KRT10: variants seen among roughly 807,000 people sequenced by gnomAD.
KRT10 encodes the protein keratin, type I cytoskeletal 10.
In KRT10, 40 loss-of-function variants were observed where a neutral mutation model predicts 59.2. The observed-to-expected ratio is 0.68, with a 90% CI of 0.52 to 0.88. The LOEUF is 0.88. Ranked by LOEUF, KRT10 falls within the 40% of genes least tolerant of loss-of-function variation. The probability of loss-of-function intolerance (pLI) is 0.00; values close to 1 mark genes in which losing one functional copy is unlikely to be tolerated. For synonymous variants in KRT10, 336 were observed against 310.7 expected, an observed-to-expected ratio of 1.08 and a Z score of -0.86; for missense variants, 719 against 749.1, an observed-to-expected ratio of 0.96 and a Z score of 0.47.
At chr17:40,821,434 T>G (rs887727678) in intron 1 of KRT10, among the ~76,000 whole-genome samples, 9 of 152,230 alleles carry the variant, frequency 5.9e-5, no homozygotes, top group Admixed American at 5.9e-4. Flanking sequence ...AGCCATGCTT[T>G]GGCTGACTCA....
chr17:40,821,256 G>T (rs564497284), intron 1 of KRT10, 139 bp from the exon 2 acceptor site: 8 of 686,900 alleles, frequency 1.2e-5, no homozygotes, highest in Middle Eastern at 2.4e-4. Flanking sequence ...ATGAAATATT[G>T]CAGGCTTACC....
chr17:40,819,075 T>A lies in KRT10; in HGVS notation c.1460A>T (p.His487Leu), dbSNP rs1463314669. The A allele has an allele frequency of 1.6e-6, 2 of 1,215,210 alleles. No individual in the cohort carries two copies. The highest frequency in any genetic ancestry group is 3.5e-5 in the African/African-American group (2 of 56,376). 75.3% of individuals were successfully genotyped at this position (1,215,210 alleles called of 1,614,324 possible). ...GGAACTGCCGCCGTGGCCGCCGCCG[T>A]GGCCGCCGCCGGAGCTTCCGCCGCC... ...SSGGGSSGGG[H>L]GGGHGGSSGG... Residue 487 changes from histidine to leucine, a missense_variant, in exon 7 of 8, where the codon CAC becomes CTC. His to Leu is a moderately conservative substitution (Grantham distance 99). This residue lies in a region of KRT10 where 315 missense variants were observed against 270.6 expected (regional missense o/e 1.16). Transcript: ENST00000269576.
At position 40,820,507 on chromosome 17, in the gene KRT10, T is replaced by C; in HGVS notation, c.867+4A>G. 6.2e-7 allele frequency: 1 copy of C among 1,614,222 alleles called. No homozygotes were observed. Among genetic ancestry groups the C allele is most frequent in the South Asian group, 1.1e-5 (1 of 91,092 alleles). ...GGCTGGGAAAAGTATAACTTTTGTG[T>C]CACCTCCTCGTGGTTCTTCTTCAGA... On this transcript the variant is annotated splice_donor_region_variant and intron_variant, in intron 3 of 7. Coordinates refer to ENST00000269576, the MANE Select transcript of KRT10 (RefSeq NM_000421.5).
chr17:40,819,852 G>C, intron 5 of KRT10, 118 bp from the exon 6 acceptor site: 1 of 1,131,050 alleles, frequency 8.8e-7, no homozygotes. Context: ...AGAATTTGTT[G>C]TATGTTTAAT....
rs1597821342 is a variant in KRT10 at position 40,821,180 on chromosome 17, A to G, written c.628-63T>C. On this transcript the variant is annotated intron_variant, in intron 1 of 7. Transcript: ENST00000269576. ...ATGCAGATATGGCTTTTGTAGTGAC[A>G]TAGATGCACTCTGCACTTTTATGTT... 1.2e-5 allele frequency: 14 copies of G among 1,146,100 alleles called. No individual in the cohort carries two copies. The South Asian group carries it at 1.5e-4, about 12-fold the overall frequency. 71.0% of individuals were successfully genotyped at this position (1,146,100 alleles called of 1,614,324 possible).
chr17:40,818,444 C>T lies in KRT10; in HGVS notation c.*32G>A. 6.2e-7 allele frequency: 1 copy of T among 1,613,482 alleles called. No homozygotes were observed. Among genetic ancestry groups the T allele is most frequent in the African/African-American group, 1.3e-5 (1 of 75,022 alleles). ...AGAACTCTACCGTCGGGCGCCACCT[C>T]TTCAATAATTGTCTTGATTACTCTG... On this transcript the variant is annotated 3_prime_UTR_variant, in exon 8 of 8. Transcript: ENST00000269576.
rs1905412178 is a variant in KRT10, at chr17:40,821,942, T to G, written c.627+17A>C. 1.2e-6 allele frequency: 2 copies of G among 1,613,618 alleles called. No homozygotes were observed. Among genetic ancestry groups the G allele is most frequent in the Non-Finnish European group, 8.5e-7 (1 of 1,179,474 alleles). ...ATGGACAAGATACTTAAAGCTGGAT[T>G]TAAAAATACCTCTTACCTGATTTTT... On this transcript the variant is annotated intron_variant, in intron 1 of 7. Coordinates refer to ENST00000269576, the MANE Select transcript of KRT10 (RefSeq NM_000421.5).
rs968531762 is a variant in KRT10 at position 40,821,073 on chromosome 17, G to T, written c.672C>A (p.Ile224=). 3.1e-6 allele frequency: 5 copies of T among 1,613,828 alleles called. No homozygotes were observed. Among genetic ancestry groups the T allele is most frequent in the Admixed American group, 1.7e-5 (1 of 59,998 alleles). The change falls in exon 2 of 8, where the codon ATC becomes ATA. Residue 224 remains isoleucine, a synonymous_variant. Coordinates refer to ENST00000269576, the MANE Select transcript of KRT10 (RefSeq NM_000421.5). ...CATCAGCTGCCAGCCTGGCATTGTCGATCTGAAGCAGGATGTTGGCATTAT... is the reference window on the plus strand; with the variant it reads ...CATCAGCTGCCAGCCTGGCATTGTCTATCTGAAGCAGGATGTTGGCATTAT... ...TTDNANILLQ[I]DNARLAADDF...
Position 40,820,525 on chromosome 17 carries a change from T to C in KRT10, c.853A>G (p.Lys285Glu). The C allele has an allele frequency of 6.2e-7, 1 of 1,614,234 alleles. No individual in the cohort carries two copies. Among genetic ancestry groups the C allele is most frequent in the Non-Finnish European group, 8.5e-7 (1 of 1,180,040 alleles). ...TTTTGTGTCACCTCCTCGTGGTTCT[T>C]CTTCAGATAGGCCAGCTCTTCAGTC... is the stretch of plus-strand genomic sequence containing the variant. The part of the protein sequence containing the change: ...SLTEELAYLK[K>E]NHEEEMKDLR... Residue 285 changes from lysine (K) to glutamate (E), a missense_variant, in exon 3 of 8, where the codon AAG becomes GAG. Around this residue, in one of 4 missense-constraint regions of KRT10, gnomAD observed 221 missense variants for 277.8 expected, o/e 0.80. Coordinates refer to ENST00000269576, the MANE Select transcript of KRT10 (RefSeq NM_000421.5).
At position 40,822,464 on chromosome 17, in the gene KRT10, C is replaced by A; in HGVS notation, c.122G>T (p.Gly41Val). Residue 41 changes from glycine to valine, a missense_variant, in exon 1 of 8, where the codon GGC (glycine) becomes GTC (valine). By Grantham distance (109) the Gly-to-Val change is moderately radical (BLOSUM62 -3). Around this residue, in one of 4 missense-constraint regions of KRT10, gnomAD observed 176 missense variants for 175.7 expected, o/e 1.00. Transcript: ENST00000269576. ...TGAGCTAAATCCTCCACCAAGGGAG[C>A]CTTTGCTGCTAGAAATTCTTAGGGA... ...VSSLRISSSK[G>V]SLGGGFSSGG... The A allele has an allele frequency of 2.5e-6, 4 of 1,613,978 alleles. No individual in the cohort carries two copies. The highest frequency in any genetic ancestry group is 3.4e-6 in the Non-Finnish European group (4 of 1,179,972).
At chr17:40,819,333 TAAG>T (rs762061831) in intron 6 of KRT10, 172 bp from the exon 7 acceptor site, 21 of 1,430,148 alleles carry the variant, frequency 1.5e-5, no homozygotes, top group Non-Finnish European at 2.0e-5. Context: ...ACAGAACTCT[TAAG>T]AATCATTTTG....
chr17:40,820,572 A>G lies in KRT10; in HGVS notation c.806T>C (p.Leu269Pro), dbSNP rs1422891409. Residue 269 changes from leucine (L) to proline (P), a missense_variant, in exon 3 of 8, where the codon CTG (leucine) becomes CCG (proline). This residue lies in a region of KRT10 where 221 missense variants were observed against 277.8 expected (regional missense o/e 0.80). Coordinates refer to ENST00000269576, the MANE Select transcript of KRT10 (RefSeq NM_000421.5). ...LDELTLTKAD[L>P]EMQIESLTEE... ...AGTCAGGCTCTCAATTTGCATCTCC[A>G]GGTCAGCCTTGGTCAGGGTCAGCTC... is the stretch of plus-strand genomic sequence containing the variant. 1 of 1,614,106 alleles carries G rather than the reference A, an allele frequency of 6.2e-7. No homozygotes were observed. The highest frequency in any genetic ancestry group is 2.2e-5 in the East Asian group (1 of 44,888).
chr17:40,819,334 A>C, intron 6 of KRT10, 173 bp from the exon 7 acceptor site: 2 of 1,432,424 alleles, frequency 1.4e-6, no homozygotes, highest in Non-Finnish European at 1.9e-6. Flanking sequence ...CAGAACTCTT[A>C]AGAATCATTT....
rs1380771849 is a variant in KRT10, at chr17:40,818,961, C to T, written c.1574G>A (p.Ser525Asn). Residue 525 changes from serine (S) to asparagine (N), a missense_variant, in exon 7 of 8, where the codon AGT becomes AAT. By Grantham distance (46) the Ser-to-Asn change is conservative (BLOSUM62 1). Coordinates refer to ENST00000269576, the MANE Select transcript of KRT10 (RefSeq NM_000421.5). ...GGSSSGGHGGSSSGGYGGGSS... is the reference protein window; with the variant it reads ...GGSSSGGHGGNSSGGYGGGSS... ...GCCACCACCGTAGCCGCCGCTGGAA[C>T]TGCCGCCGTGGCCGCCGCTGGAGCT... 6 of 1,382,586 alleles carry T rather than the reference C, an allele frequency of 4.3e-6. No individual in the cohort carries two copies. The highest frequency in any genetic ancestry group is 5.6e-6 in the Non-Finnish European group (6 of 1,069,966). 85.6% of individuals were successfully genotyped at this position (1,382,586 alleles called of 1,614,324 possible).
Position 40,818,968 on chromosome 17 carries a change from C to CGTGGCCGCCGCTGGAGCT in KRT10, c.1549_1566dup (p.Ser517_His522dup). ...CCGTAGCCGCCGCTGGAACTGCCGC[C>CGTGGCCGCCGCTGGAGCT]GTGGCCGCCGCTGGAGCTTCCGCCC... is the stretch of plus-strand genomic sequence containing the variant. On this transcript the variant is annotated inframe_insertion, in exon 7 of 8. Transcript: ENST00000269576. 1 of 1,381,848 alleles carries CGTGGCCGCCGCTGGAGCT rather than the reference C, an allele frequency of 7.2e-7. No individual in the cohort carries two copies. Among genetic ancestry groups the CGTGGCCGCCGCTGGAGCT allele is most frequent in the Non-Finnish European group, 9.4e-7 (1 of 1,068,170 alleles). The allele number at this position is 1,381,848 out of a possible 1,614,324, so 85.6% of individuals were successfully genotyped here.
Position 40,819,003 on chromosome 17 carries a change from C to T in KRT10, c.1532G>A (p.Gly511Asp). 1.6e-6 allele frequency: 2 copies of T among 1,287,796 alleles called. No homozygotes were observed. The highest frequency in any genetic ancestry group is 2.0e-6 in the Non-Finnish European group (2 of 994,098). The allele number at this position is 1,287,796 out of a possible 1,614,324, so 79.8% of individuals were successfully genotyped here. A position where few individuals can be genotyped will look rare whatever the true frequency, so the allele number is the denominator to read the frequency against. Residue 511 changes from glycine (G) to aspartate (D), a missense_variant, in exon 7 of 8, where the codon GGC (glycine) becomes GAC (aspartate). This residue lies in a region of KRT10 where 315 missense variants were observed against 270.6 expected (regional missense o/e 1.16). Transcript: ENST00000269576. ...GGSSGGGSSG[G>D]GYGGGSSSGG... The stretch of plus-strand genomic sequence containing the variant: ...GCTGGAGCTTCCGCCCCCGTAGCCG[C>T]CGCCGGAGCTTCCGCCGCCGGAGCT...
Position 40,822,065 on chromosome 17 carries a change from A to G in KRT10, c.521T>C (p.Leu174Pro). Reference protein sequence around the residue: ...VRALEESNYELEGKIKEWYEK... With the variant: ...VRALEESNYEPEGKIKEWYEK... The stretch of plus-strand genomic sequence containing the variant: ...ATACCACTCCTTGATTTTGCCTTCC[A>G]GCTCATAGTTTGATTCTTCCAGAGC... The change falls in exon 1 of 8, where the codon CTG (leucine) becomes CCG (proline). Residue 174 changes from leucine (L) to proline (P), a missense_variant. This residue lies in a region of KRT10 where 221 missense variants were observed against 277.8 expected (regional missense o/e 0.80). Transcript: ENST00000269576. 2 of 1,614,128 alleles carry G rather than the reference A, an allele frequency of 1.2e-6. No individual in the cohort carries two copies. Among genetic ancestry groups the G allele is most frequent in the Non-Finnish European group, 1.7e-6 (2 of 1,180,034 alleles).
chr17:40,819,881 G>A, intron 5 of KRT10, 147 bp from the exon 6 acceptor site: 1 of 1,118,180 alleles, frequency 8.9e-7, no homozygotes, highest in African/African-American at 1.5e-5. Context: ...TTCAGTTTCA[G>A]CACTTTTAGA....
At chr17:40,819,800 A>C in intron 5 of KRT10, 66 bp from the exon 6 acceptor site, 1 of 1,353,504 alleles carries the variant, frequency 7.4e-7, no homozygotes, top group Admixed American at 1.7e-5. Flanking sequence ...CGCTTATTTG[A>C]TTATTTAGTA....
Sources: allele counts gnomAD v4.1 joint callset (sites outside exome capture counted in the v4.1 genomes callset), GRCh38; gene constraint gnomAD v4.1.1; regional missense constraint gnomAD v4.1.1; transcripts MANE v1.5; gene names NCBI Gene and HGNC (gene_info 2026-07-23, HGNC 2026-07-21).